The following C2orf78 variants were observed in gnomAD, a reference collection of about 807,000 sequenced individuals.
The protein encoded by C2orf78 is chromosome 2 open reading frame 78, also known as uncharacterized protein C2orf78.
Under a neutral mutation model 21.4 loss-of-function variants are expected in C2orf78, and 12 were observed. That is an observed-to-expected ratio of 0.56 (90% CI 0.36 to 0.91). The LOEUF is 0.91. Among genes scored for constraint, C2orf78 ranks in the 40% least tolerant of loss-of-function variants. The pLI is 0.01. For missense variants in C2orf78, 1,042 were observed against 1,092.4 expected, an observed-to-expected ratio of 0.95 and a Z score of 0.65; for synonymous variants, 396 against 413.9, an observed-to-expected ratio of 0.96 and a Z score of 0.52.
exon 3 of C2orf78, chr2:73,815,588 G>A (rs763384336): frequency 2.0e-5 from 33 of 1,613,802 alleles, no homozygotes; most frequent in Admixed American, 3.3e-5. Context: ...ACCTCCCCCC[G>A]ATCTTCAGTT....
chr2:73,815,368 A>C, exon 3 of C2orf78: 1 of 1,613,996 alleles, frequency 6.2e-7, no homozygotes, highest in Non-Finnish European at 8.5e-7. Context: ...CTAATAGGAA[A>C]TCAAGATCCT....
At chr2:73,807,170 A>C in intron 1 of C2orf78, among the ~76,000 whole-genome samples, 2 of 115,340 alleles carry the variant, frequency 1.7e-5, no homozygotes, top group African/African-American at 4.0e-5. Context: ...ACAGAGAGAG[A>C]CTCTGTCTCA....
At chr2:73,808,369 G>A (rs1352832628) in intron 1 of C2orf78, among the ~76,000 whole-genome samples, 3 of 150,942 alleles carry the variant, frequency 2.0e-5, no homozygotes, top group Admixed American at 6.6e-5. Flanking sequence ...TTCTCCCCAA[G>A]GATATTGTGT....
exon 2 of C2orf78, chr2:73,813,882 C>T (rs768020486): frequency 6.2e-7 from 1 of 1,613,984 alleles, no homozygotes; most frequent in Admixed American, 1.7e-5. Flanking sequence ...TATTATAAAA[C>T]TTCAGATACC....
intron 1 of C2orf78, among the ~76,000 whole-genome samples, chr2:73,784,713 G>C (rs1398543637): frequency 6.6e-6 from 1 of 151,296 alleles, no homozygotes; most frequent in Non-Finnish European, 1.5e-5. Flanking sequence ...TGAAATCAGA[G>C]ACTTTCTGAG....
At chr2:73,807,184 A>C (rs1393711588) in intron 1 of C2orf78, among the ~76,000 whole-genome samples, 1 of 110,140 alleles carries the variant, frequency 9.1e-6, no homozygotes, top group Non-Finnish European at 1.8e-5. Flanking sequence ...TGTCTCAAAA[A>C]AAAAAAAAAA....
rs1003688391 is a variant in C2orf78 at position 73,784,555 on chromosome 2, G to C, written c.97+149G>C. 6.3e-5 allele frequency: 47 copies of C among 749,624 alleles called. 1 individual carries two copies. The highest frequency in any genetic ancestry group is 3.7e-5 in the African/African-American group (2 of 53,678). The allele number at this position is 749,624 out of a possible 1,614,324, so 46.4% of individuals were successfully genotyped here. On this transcript the variant is annotated intron_variant, in intron 1 of 2. Transcript: ENST00000409561. ...GAGACCTCATTTCAGTTTTGGCTTT[G>C]ACATTTACTAGCTGTGTGACTTTAG... is the stretch of plus-strand genomic sequence containing the variant.
At chr2:73,785,543 CAGA>C (rs1250406651) in intron 1 of C2orf78, among the ~76,000 whole-genome samples, 2 of 145,380 alleles carry the variant, frequency 1.4e-5, no homozygotes, top group Admixed American at 6.9e-5. Flanking sequence ...AAAAAAAAAG[CAGA>C]AGGACAACAG....
chr2:73,810,275 A>C (rs924152490), intron 1 of C2orf78, among the ~76,000 whole-genome samples: 11 of 152,024 alleles, frequency 7.2e-5, no homozygotes, highest in African/African-American at 2.7e-4. Flanking sequence ...TCACACCTGT[A>C]ATCCCAGCAC....
chr2:73,815,609 T>A (rs757567711), exon 3 of C2orf78: 2 of 1,613,950 alleles, frequency 1.2e-6, no homozygotes, highest in South Asian at 2.2e-5. Flanking sequence ...CCTTACAAGA[T>A]CTTGACCAAC....
chr2:73,810,315 G>T (rs1296551144), intron 1 of C2orf78, among the ~76,000 whole-genome samples: 2 of 151,946 alleles, frequency 1.3e-5, no homozygotes, highest in Non-Finnish European at 2.9e-5. Flanking sequence ...CTGATGACCT[G>T]AGGTCAGTTC....
At chr2:73,810,692 A>T (rs1673067090) in intron 1 of C2orf78, among the ~76,000 whole-genome samples, 1 of 133,438 alleles carries the variant, frequency 7.5e-6, no homozygotes, top group South Asian at 2.1e-4. Context: ...ATACATATAT[A>T]TTTTATATAT....
intron 1 of C2orf78, among the ~76,000 whole-genome samples, chr2:73,785,323 AAGT>A (rs1207057424): frequency 1.5e-5 from 2 of 129,076 alleles, no homozygotes; most frequent in Non-Finnish European, 3.2e-5. Flanking sequence ...CAAAAAAGAA[AAGT>A]AGTATTCACG....
intron 1 of C2orf78, among the ~76,000 whole-genome samples, chr2:73,786,166 G>C (rs1672928677): frequency 6.6e-6 from 1 of 151,986 alleles, no homozygotes; most frequent in African/African-American, 2.4e-5. Flanking sequence ...GATTGCCTGA[G>C]GTCAGAAGTT....
intron 1 of C2orf78, among the ~76,000 whole-genome samples, chr2:73,786,257 G>A (rs6758624): frequency 6.6e-6 from 1 of 151,498 alleles, no homozygotes; most frequent in Non-Finnish European, 1.5e-5. Context: ...GCGTGCACCT[G>A]TAATCCTCCT....
Position 73,807,152 on chromosome 2 carries a change from C to A in C2orf78, c.98-6325C>A, listed in dbSNP as rs1490239518. On this transcript the variant is annotated intron_variant, in intron 1 of 2. Transcript: ENST00000409561. ...GCAGAGATCGGCCACTGCCCTCCAG[C>A]CTGGGTGACAGAGAGAGACTCTGTC... 5.2e-5 allele frequency among the ~76,000 whole-genome samples: 7 copies of A among 133,956 alleles called. 1 individual carries two copies. Among genetic ancestry groups the A allele is most frequent in the African/African-American group, 2.2e-4 (7 of 32,124 alleles). 87.9% of individuals were successfully genotyped at this position (133,956 alleles called of 152,430 possible). A position where few individuals can be genotyped will look rare whatever the true frequency, so the allele number is the denominator to read the frequency against.
chr2:73,815,096 T>A (rs1280635920), exon 3 of C2orf78: 1 of 1,613,150 alleles, frequency 6.2e-7, no homozygotes. Flanking sequence ...TGGGGATGGA[T>A]ACTTCCCTGG....
chr2:73,811,112 G>A (rs1673081127), intron 1 of C2orf78, among the ~76,000 whole-genome samples: 1 of 151,380 alleles, frequency 6.6e-6, no homozygotes, highest in Non-Finnish European at 1.5e-5. Context: ...CCAACATGGT[G>A]AAATCCCATC....
At chr2:73,813,706 G>C (rs1558542169) in exon 2 of C2orf78, 1 of 1,613,972 alleles carries the variant, frequency 6.2e-7, no homozygotes, top group East Asian at 2.2e-5. Flanking sequence ...TGTTGTCTGG[G>C]GTTACTGGCC....
Sources: allele counts gnomAD v4.1 joint callset (sites outside exome capture counted in the v4.1 genomes callset), GRCh38; gene constraint gnomAD v4.1.1; transcripts MANE v1.5; gene names NCBI Gene and HGNC (gene_info 2026-07-23, HGNC 2026-07-21).